Variants in DNM2 observed in about 807,000 individuals in gnomAD.
DNM2 encodes dynamin 2.
In DNM2, 15 loss-of-function variants were observed where a neutral mutation model predicts 99.0. The observed-to-expected ratio is 0.15, with a 90% confidence interval of 0.10 to 0.23. The LOEUF (loss-of-function observed/expected upper bound fraction) is 0.23. Among genes scored for constraint, DNM2 ranks in the 10% least tolerant of loss-of-function variants. The probability of loss-of-function intolerance (pLI) is 1.00; values close to 1 mark genes in which losing one functional copy is unlikely to be tolerated. For missense variants in DNM2, 742 were observed against 1,189.4 expected (o/e 0.62, Z 5.53); for synonymous variants, 525 against 481.2 (o/e 1.09, Z -1.19).
At chr19:10,771,072 G>A (rs906607305) in intron 2 of DNM2, among the ~76,000 whole-genome samples, 3 of 152,186 alleles carry the variant, frequency 2.0e-5, no homozygotes, top group Non-Finnish European at 2.9e-5. Flanking sequence ...GATAATAGGC[G>A]TGAGCCACTG....
intron 1 of DNM2, among the ~76,000 whole-genome samples, chr19:10,745,115 T>C (rs1415725394): frequency 3.3e-5 from 5 of 152,136 alleles, no homozygotes; most frequent in Non-Finnish European, 7.3e-5. Context: ...AAGCCTGCTG[T>C]CCATACACAG....
At chr19:10,767,662 T>C (rs1191915393) in intron 2 of DNM2, among the ~76,000 whole-genome samples, 1 of 152,158 alleles carries the variant, frequency 6.6e-6, no homozygotes, top group African/African-American at 2.4e-5. Context: ...TCCCAGCACT[T>C]TGGGAGGCCG....
In DNM2 at chr19:10,766,426, C is replaced by T. The variant is rs138730570; in HGVS notation, c.236-6053C>T. Among the ~76,000 whole-genome samples, 489 of 152,200 alleles carry T rather than the reference C, an allele frequency of 3.2e-3. 1 individual carries two copies. Among genetic ancestry groups the T allele is most frequent in the African/African-American group, 0.011 (474 of 41,534 alleles). On this transcript the variant is annotated intron_variant, in intron 2 of 20. Transcript: ENST00000389253. ...CTTCTTCATGTCCCAGGCCCCCTGACCCTGAGAAGGTGGCAGCTTGCACCT... is the reference window on the plus strand; with the variant it reads ...CTTCTTCATGTCCCAGGCCCCCTGATCCTGAGAAGGTGGCAGCTTGCACCT...
At chr19:10,751,108 GA>G (rs2070177111) in intron 1 of DNM2, among the ~76,000 whole-genome samples, 1 of 151,924 alleles carries the variant, frequency 6.6e-6, no homozygotes, top group South Asian at 2.1e-4. Context: ...GTTCCACAGA[GA>G]AAAATGAGGC....
chr19:10,774,010 G>A (rs1275424871), intron 3 of DNM2, among the ~76,000 whole-genome samples: 1 of 152,170 alleles, frequency 6.6e-6, no homozygotes, highest in Non-Finnish European at 1.5e-5. Context: ...TGGGTTCCTT[G>A]CGATAAGTTT....
chr19:10,798,466 C>G lies in DNM2; in HGVS notation c.1336-20C>G. ...GCCACGAGGACCCCGCCAATGCGACCACTCTGCTTGTTCCCCCAGCTCAGT... is the reference window on the plus strand; with the variant it reads ...GCCACGAGGACCCCGCCAATGCGACGACTCTGCTTGTTCCCCCAGCTCAGT... On this transcript the variant is annotated intron_variant, in intron 10 of 20. Coordinates refer to ENST00000389253, the MANE Select transcript of DNM2 (RefSeq NM_001005361.3). The G allele has an allele frequency of 6.2e-7, 1 of 1,613,950 alleles. No homozygotes were observed. Among genetic ancestry groups the G allele is most frequent in the South Asian group, 1.1e-5 (1 of 91,076 alleles).
rs2073300874 is a variant in DNM2 at position 10,830,455 on chromosome 19, G to C, written c.2543+77G>C. ...TCCTCCTGTCTCACTTCCTCCCAGTGAGCTCTCACTACGTGCCCAGCTGCT... is the reference window on the plus strand; with the variant it reads ...TCCTCCTGTCTCACTTCCTCCCAGTCAGCTCTCACTACGTGCCCAGCTGCT... On this transcript the variant is annotated intron_variant, in intron 20 of 20. Transcript: ENST00000389253. The surrounding 1 kb of genome is among the most constrained non-coding windows in gnomAD (Gnocchi z 4.8). The C allele has an allele frequency of 4.7e-6, 7 of 1,504,374 alleles. No homozygotes were observed. The highest frequency in any genetic ancestry group is 1.7e-5 in the Admixed American group (1 of 57,528). The allele number at this position is 1,504,374 out of a possible 1,614,324, so 93.2% of individuals were successfully genotyped here. A position where few individuals can be genotyped will look rare whatever the true frequency, so the allele number is the denominator to read the frequency against.
Position 10,796,925 on chromosome 19 carries a change from G to A in DNM2, c.1197-455G>A, listed in dbSNP as rs888131413. ...CCCAGTGGGCAGTCTGTGCTTGCGC[G>A]ACCACAGTGTCCCCAGCGCTCCGGG... On this transcript the variant is annotated intron_variant, in intron 9 of 20. Coordinates refer to ENST00000389253, the MANE Select transcript of DNM2 (RefSeq NM_001005361.3). This position sits in a 1 kb window ranked among gnomAD's most constrained non-coding sequence, Gnocchi z 5.6. Among the ~76,000 whole-genome samples, 6 of 152,242 alleles carry A rather than the reference G, an allele frequency of 3.9e-5. No individual in the cohort carries two copies. The South Asian group carries it at 6.2e-4, about 16-fold the overall frequency.
chr19:10,756,007 C>A (rs2070369605), intron 1 of DNM2, among the ~76,000 whole-genome samples: 1 of 152,164 alleles, frequency 6.6e-6, no homozygotes, highest in Admixed American at 6.5e-5. Context: ...AGTGTCCCTG[C>A]CCCTCAGGTC....
chr19:10,788,518 G>A (rs2071643974), intron 7 of DNM2, among the ~76,000 whole-genome samples: 1 of 152,200 alleles, frequency 6.6e-6, no homozygotes, highest in East Asian at 1.9e-4. Context: ...GGAGAGTCAG[G>A]ACTGACTCAG....
chr19:10,829,053 C>T lies in DNM2; in HGVS notation c.2076C>T (p.His692=), dbSNP rs2073246114. ...LMINNTKAFI[H]HELLAYLYSS... ...GCCCGCAGACGAAGGCCTTCATCCACCACGAGCTGCTGGCCTACCTATACT... is the reference window on the plus strand; with the variant it reads ...GCCCGCAGACGAAGGCCTTCATCCATCACGAGCTGCTGGCCTACCTATACT... Residue 692 remains histidine (H), a synonymous_variant, in exon 19 of 21, where the codon CAC becomes CAT. Coordinates refer to ENST00000389253, the MANE Select transcript of DNM2 (RefSeq NM_001005361.3). The T allele has an allele frequency of 6.2e-7, 1 of 1,613,218 alleles. No homozygotes were observed. Among genetic ancestry groups the T allele is most frequent in the African/African-American group, 1.3e-5 (1 of 74,918 alleles).
chr19:10,831,291 T>C lies in DNM2; in HGVS notation c.*244T>C. 1 of 1,277,562 alleles carries C rather than the reference T, an allele frequency of 7.8e-7. No homozygotes were observed. The highest frequency in any genetic ancestry group is 9.9e-7 in the Non-Finnish European group (1 of 1,013,288). 79.1% of individuals were successfully genotyped at this position (1,277,562 alleles called of 1,614,324 possible). On this transcript the variant is annotated 3_prime_UTR_variant, in exon 21 of 21. Transcript: ENST00000389253. This position sits in a 1 kb window ranked among gnomAD's most constrained non-coding sequence, Gnocchi z 4.3. ...GGGTGTTGCACTTTGGGGGATGGAG[T>C]CTCAGGGTGGCAGAGGGGGGACCAG... is the stretch of plus-strand genomic sequence containing the variant.
rs576295640 is a variant in DNM2 at position 10,795,882 on chromosome 19, C to T, written c.1196+443C>T. 43 of 951,886 alleles carry T rather than the reference C, an allele frequency of 4.5e-5. No individual in the cohort carries two copies. Among genetic ancestry groups the T allele is most frequent in the Middle Eastern group, 3.3e-4 (1 of 3,042 alleles). The allele number at this position is 951,886 out of a possible 1,614,324, so 59.0% of individuals were successfully genotyped here. ...TTGCTCCAGGTGTCTGCCCTTCCAT[C>T]GCCGTGGGGTCCTCGGGTCACCCTG... On this transcript the variant is annotated intron_variant, in intron 9 of 20. Coordinates refer to ENST00000389253, the MANE Select transcript of DNM2 (RefSeq NM_001005361.3). The surrounding 1 kb of genome is among the most constrained non-coding windows in gnomAD (Gnocchi z 4.2).
chr19:10,815,905 C>G (rs1302628094), intron 15 of DNM2, among the ~76,000 whole-genome samples: 1 of 152,168 alleles, frequency 6.6e-6, no homozygotes, highest in Non-Finnish European at 1.5e-5. Context: ...GGGGCCCCGG[C>G]TGGCCCCAGG....
chr19:10,783,110 C>T lies in DNM2; in HGVS notation c.839C>T (p.Thr280Met), dbSNP rs202155679. The stretch of plus-strand genomic sequence containing the variant: ...ATGGGCACGCCACATCTGCAGAAGA[C>T]GCTGAATCAGGTACTGCAAGGGTTT... ...DRMGTPHLQK[T>M]LNQQLTNHIR... The change falls in exon 6 of 21, where the codon ACG becomes ATG. Residue 280 changes from threonine (T) to methionine (M), a missense_variant. Transcript: ENST00000389253. The T allele has an allele frequency of 3.4e-5, 54 of 1,611,886 alleles. No individual in the cohort carries two copies. The African/African-American group carries it at 5.2e-4, about 16-fold the overall frequency.
At chr19:10,793,334 G>A (rs779587240) in intron 7 of DNM2, among the ~76,000 whole-genome samples, 2 of 152,146 alleles carry the variant, frequency 1.3e-5, no homozygotes, top group East Asian at 1.9e-4. Flanking sequence ...GGGAGGTGGC[G>A]GGAACCTATG....
intron 3 of DNM2, among the ~76,000 whole-genome samples, chr19:10,774,811 C>T (rs1017232209): frequency 6.9e-6 from 1 of 145,140 alleles, no homozygotes; most frequent in South Asian, 2.2e-4. Flanking sequence ...GGGTTTAACA[C>T]TGTTGGCCAA....
intron 16 of DNM2, among the ~76,000 whole-genome samples, chr19:10,821,780 C>G (rs531798714): frequency 9.2e-5 from 14 of 152,300 alleles, no homozygotes; most frequent in Admixed American, 2.6e-4. Context: ...ATCCACCCAC[C>G]TCGGCCTCCC....
intron 1 of DNM2, among the ~76,000 whole-genome samples, chr19:10,752,955 C>G (rs1215682008): frequency 6.6e-6 from 1 of 151,854 alleles, no homozygotes; most frequent in Non-Finnish European, 1.5e-5. Context: ...GTTAAAGAAA[C>G]AAACAAACAA....
Sources: allele counts gnomAD v4.1 joint callset (sites outside exome capture counted in the v4.1 genomes callset), GRCh38; gene constraint gnomAD v4.1.1; non-coding constraint Gnocchi (gnomAD v3.1); transcripts MANE v1.5; gene names NCBI Gene and HGNC (gene_info 2026-07-23, HGNC 2026-07-21).